Variants in RAP1GDS1 observed in about 807,000 individuals in gnomAD.
RAP1GDS1 encodes the protein Rap1 GTPase-GDP dissociation stimulator 1, also known as RAP1, GTP-GDP dissociation stimulator 1.
RAP1GDS1 carries 35 observed loss-of-function variants against 71.1 expected under a neutral mutation model. The observed-to-expected ratio is 0.49, with a 90% CI of 0.38 to 0.65. RAP1GDS1 has a LOEUF of 0.65. Among genes scored for constraint, RAP1GDS1 ranks in the 30% least tolerant of loss-of-function variants. The pLI is 0.00. For missense variants in RAP1GDS1, 663 were observed against 706.1 expected (o/e 0.94, Z 0.69); for synonymous variants, 229 against 243.1 (o/e 0.94, Z 0.54).
intron 13 of RAP1GDS1, among the ~76,000 whole-genome samples, chr4:98,434,431 C>T (rs532192035): frequency 2.6e-5 from 4 of 152,040 alleles, no homozygotes; most frequent in Non-Finnish European, 5.9e-5. Flanking sequence ...ACTTTCTCTT[C>T]CATCTCTGCT....
rs1752098360 is a variant in RAP1GDS1, at chr4:98,443,177, A to G, written c.*1060A>G. ...TAGACTAAAGAAAGGAAAGCAGGTTATAAAAGCCATAGTAGCCAGTCCAGT... is the reference window on the plus strand; with the variant it reads ...TAGACTAAAGAAAGGAAAGCAGGTTGTAAAAGCCATAGTAGCCAGTCCAGT... On this transcript the variant is annotated 3_prime_UTR_variant, in exon 15 of 15. Coordinates refer to ENST00000408927, the MANE Select transcript of RAP1GDS1 (RefSeq NM_001100427.2). 1 of 232,472 alleles carries G rather than the reference A, an allele frequency of 4.3e-6. No homozygotes were observed. Among genetic ancestry groups the G allele is most frequent in the Non-Finnish European group, 8.5e-6 (1 of 117,616 alleles). The allele number at this position is 232,472 out of a possible 1,614,324, so 14.4% of individuals were successfully genotyped here.
At position 98,285,793 on chromosome 4, in the gene RAP1GDS1, T is replaced by C. The variant is rs1317778695; in HGVS notation, c.5-7615T>C. 2.7e-5 allele frequency among the ~76,000 whole-genome samples: 4 copies of C among 147,654 alleles called. No homozygotes were observed. In the East Asian group the frequency reaches 7.8e-4, roughly 29 times the overall value. On this transcript the variant is annotated intron_variant, in intron 1 of 14. Transcript: ENST00000408927. ...ATATAATAATTATAATAATGGGCAC[T>C]TTTTATTAATATATTAATATTTATA...
At chr4:98,429,359 C>G (rs1308726411) in intron 12 of RAP1GDS1, among the ~76,000 whole-genome samples, 3 of 151,854 alleles carry the variant, frequency 2.0e-5, no homozygotes, top group African/African-American at 7.3e-5. Flanking sequence ...TTCGCAGCAA[C>G]CTGGATGAGA....
intron 7 of RAP1GDS1, among the ~76,000 whole-genome samples, chr4:98,406,421 G>T (rs1746124719): frequency 1.3e-5 from 2 of 151,862 alleles, no homozygotes; most frequent in Admixed American, 1.3e-4. Context: ...TAGATTTTAA[G>T]ATGAAAAGAC....
intron 7 of RAP1GDS1, among the ~76,000 whole-genome samples, chr4:98,413,298 C>A (rs1250877998): frequency 1.3e-5 from 2 of 151,774 alleles, no homozygotes; most frequent in African/African-American, 4.8e-5. Flanking sequence ...TATACATGTG[C>A]CATGCTGGTG....
intron 2 of RAP1GDS1, among the ~76,000 whole-genome samples, chr4:98,307,831 C>G (rs1339873819): frequency 6.6e-6 from 1 of 152,054 alleles, no homozygotes; most frequent in African/African-American, 2.4e-5. Context: ...GCCCTTATAA[C>G]TAAAGCCGAC....
chr4:98,411,654 G>T (rs1578786777), intron 7 of RAP1GDS1, among the ~76,000 whole-genome samples: 1 of 152,128 alleles, frequency 6.6e-6, no homozygotes, highest in Non-Finnish European at 1.5e-5. Context: ...AAATAACAAT[G>T]TGTTGATATT....
chr4:98,309,178 C>A (rs567913110), intron 2 of RAP1GDS1, among the ~76,000 whole-genome samples: 2 of 151,890 alleles, frequency 1.3e-5, no homozygotes, highest in Non-Finnish European at 2.9e-5. Flanking sequence ...TAAATTAGAA[C>A]AAAATTTTTA....
In RAP1GDS1 at chr4:98,416,855, G is replaced by T. The variant is rs1391214491; in HGVS notation, c.874G>T (p.Gly292Cys). 1 of 1,613,756 alleles carries T rather than the reference G, an allele frequency of 6.2e-7. No individual in the cohort carries two copies. Among genetic ancestry groups the T allele is most frequent in the South Asian group, 1.1e-5 (1 of 91,036 alleles). Residue 292 changes from glycine (G) to cysteine (C), a missense_variant, in exon 8 of 15, where the codon GGT becomes TGT. By Grantham distance (159) the Gly-to-Cys change is radical. Coordinates refer to ENST00000408927, the MANE Select transcript of RAP1GDS1 (RefSeq NM_001100427.2). ...AGATGATATTACTGAGCTCAAAACT[G>T]GTTCAGATCTCATGGTTTTATTACT... is the stretch of plus-strand genomic sequence containing the variant. Reference protein sequence around the residue: ...KEDDITELKTGSDLMVLLLLG... With the variant: ...KEDDITELKTCSDLMVLLLLG...
chr4:98,436,212 T>C (rs1232546028), intron 13 of RAP1GDS1, among the ~76,000 whole-genome samples: 5 of 152,174 alleles, frequency 3.3e-5, no homozygotes, highest in Non-Finnish European at 7.3e-5. Context: ...ACTGATTTTG[T>C]ACCATTGTCA....
At chr4:98,366,194 G>A (rs1739459716) in intron 4 of RAP1GDS1, among the ~76,000 whole-genome samples, 1 of 152,138 alleles carries the variant, frequency 6.6e-6, no homozygotes, top group Admixed American at 6.5e-5. Flanking sequence ...AATCATGGGG[G>A]CAGGTCTTTC....
At chr4:98,264,951 A>G (rs1227658326) in intron 1 of RAP1GDS1, among the ~76,000 whole-genome samples, 2 of 152,350 alleles carry the variant, frequency 1.3e-5, no homozygotes, top group Non-Finnish European at 2.9e-5. Flanking sequence ...AAAGTAGTAC[A>G]GTAATAGCTA....
chr4:98,426,457 A>T (rs981054981), intron 12 of RAP1GDS1, among the ~76,000 whole-genome samples: 1 of 152,158 alleles, frequency 6.6e-6, no homozygotes, highest in Non-Finnish European at 1.5e-5. Flanking sequence ...GAGAAGATGA[A>T]TAAGATTGAT....
At chr4:98,441,263 A>G in intron 14 of RAP1GDS1, 3 of 859,260 alleles carry the variant, frequency 3.5e-6, no homozygotes, top group Non-Finnish European at 4.2e-6. Context: ...GACTTCACTC[A>G]TCCCATATAA....
chr4:98,368,729 A>T (rs1739904337), intron 4 of RAP1GDS1, among the ~76,000 whole-genome samples: 1 of 152,126 alleles, frequency 6.6e-6, no homozygotes, highest in South Asian at 2.1e-4. Flanking sequence ...TACATTTAAA[A>T]TTTGTTTCAT....
At chr4:98,370,979 G>A (rs577148285) in intron 4 of RAP1GDS1, among the ~76,000 whole-genome samples, 1 of 152,152 alleles carries the variant, frequency 6.6e-6, no homozygotes, top group Non-Finnish European at 1.5e-5. Context: ...CTGACACAAA[G>A]CCTAAGTTAA....
chr4:98,424,715 C>A (rs1053577503), intron 12 of RAP1GDS1, among the ~76,000 whole-genome samples: 15 of 149,026 alleles, frequency 1.0e-4, no homozygotes, highest in African/African-American at 3.7e-4. Flanking sequence ...GAGCCAAGAT[C>A]GTGCCACTGC....
At chr4:98,395,386 C>A (rs1744373225) in intron 6 of RAP1GDS1, among the ~76,000 whole-genome samples, 1 of 152,116 alleles carries the variant, frequency 6.6e-6, no homozygotes, top group Admixed American at 6.6e-5. Flanking sequence ...GTTTTTCTTA[C>A]ATAATAAATA....
chr4:98,304,480 C>T (rs947530936), intron 2 of RAP1GDS1, among the ~76,000 whole-genome samples: 4 of 151,990 alleles, frequency 2.6e-5, no homozygotes, highest in Non-Finnish European at 4.4e-5. Flanking sequence ...GTTTGTTGGC[C>T]GCATAAGTGT....
Sources: allele counts gnomAD v4.1 joint callset (sites outside exome capture counted in the v4.1 genomes callset), GRCh38; gene constraint gnomAD v4.1.1; transcripts MANE v1.5; gene names NCBI Gene and HGNC (gene_info 2026-07-23, HGNC 2026-07-21).